The following TMEM132D variants were observed in gnomAD, a reference collection of about 807,000 sequenced individuals.
The protein encoded by TMEM132D is mature OL transmembrane protein.
TMEM132D carries 21 observed loss-of-function variants against 62.3 expected under a neutral mutation model. That is an observed-to-expected ratio of 0.34 (90% CI 0.24 to 0.49). TMEM132D has a LOEUF of 0.49. Among genes scored for constraint, TMEM132D ranks in the 20% least tolerant of loss-of-function variants. TMEM132D has a pLI of 0.99. For missense variants in TMEM132D, 1,346 were observed against 1,402.8 expected (o/e 0.96, Z 0.65); for synonymous variants, 621 against 575.6 (o/e 1.08, Z -1.13).
intron 1 of TMEM132D, among the ~76,000 whole-genome samples, chr12:129,735,105 T>C (rs1869383079): frequency 6.6e-6 from 1 of 152,162 alleles, no homozygotes; most frequent in Non-Finnish European, 1.5e-5. Context: ...ATTAAAAAAA[T>C]ACACAAAATT....
At chr12:129,195,347 G>C (rs1026373456) in intron 5 of TMEM132D, among the ~76,000 whole-genome samples, 4 of 152,126 alleles carry the variant, frequency 2.6e-5, no homozygotes, top group Non-Finnish European at 5.9e-5. Flanking sequence ...GGCTAAGAGG[G>C]AGGGTGGGGA....
chr12:129,160,969 C>A (rs1476392490), intron 5 of TMEM132D, among the ~76,000 whole-genome samples: 2 of 152,186 alleles, frequency 1.3e-5, no homozygotes, highest in Non-Finnish European at 2.9e-5. Context: ...TCACTCTCTG[C>A]AGAAAAATTC....
chr12:129,762,173 A>AT (rs1217438685), intron 1 of TMEM132D, among the ~76,000 whole-genome samples: 4 of 151,942 alleles, frequency 2.6e-5, no homozygotes, highest in Non-Finnish European at 5.9e-5. Flanking sequence ...ATGTGTGTCC[A>AT]TTTTTTTCTA....
At chr12:129,400,102 A>G (rs1871575380) in intron 3 of TMEM132D, among the ~76,000 whole-genome samples, 2 of 152,112 alleles carry the variant, frequency 1.3e-5, no homozygotes, top group African/African-American at 4.8e-5. Context: ...AGTATTTTCC[A>G]AGAATAGGTT....
At chr12:129,345,573 T>C (rs1869653918) in intron 3 of TMEM132D, among the ~76,000 whole-genome samples, 1 of 152,218 alleles carries the variant, frequency 6.6e-6, no homozygotes, top group Admixed American at 6.5e-5. Context: ...AATACTATAC[T>C]TCAAGTGAGT....
chr12:129,700,228 G>C lies in TMEM132D; in HGVS notation c.550C>G (p.Arg184Gly), dbSNP rs766949843. The change falls in exon 2 of 9, where the codon CGG becomes GGG. Residue 184 changes from arginine to glycine, a missense_variant. Physicochemically the swap from Arg to Gly is moderately radical, Grantham distance 125. Coordinates refer to ENST00000422113, the MANE Select transcript of TMEM132D (RefSeq NM_133448.3). ...CACAGCCCCAGGTCCCCCTGCAGCC[G>C]GCAGCTGCCCCGCACCTCTCGGGTC... ...RETREVRGSC[R>G]LQGDLGLCVA... 9 of 1,612,784 alleles carry C rather than the reference G, an allele frequency of 5.6e-6. No homozygotes were observed. The African/African-American group carries it at 1.1e-4, about 19-fold the overall frequency.
chr12:129,800,755 C>A (rs937887855), intron 1 of TMEM132D, among the ~76,000 whole-genome samples: 1 of 152,234 alleles, frequency 6.6e-6, no homozygotes, highest in East Asian at 1.9e-4. Flanking sequence ...CAGCTCCCAG[C>A]GAGAGCGACG....
intron 3 of TMEM132D, among the ~76,000 whole-genome samples, chr12:129,354,427 A>T (rs993609550): frequency 2.0e-5 from 3 of 151,866 alleles, no homozygotes; most frequent in African/African-American, 7.3e-5. Context: ...GGGTTCAAGC[A>T]ATGCTTCTGC....
chr12:129,817,170 A>G (rs534946165), intron 1 of TMEM132D, among the ~76,000 whole-genome samples: 63 of 152,360 alleles, frequency 4.1e-4, no homozygotes, highest in African/African-American at 1.5e-3. Flanking sequence ...AGTTCCTGGC[A>G]GTCCAATCCC....
At chr12:129,212,903 T>C (rs1437628262) in intron 4 of TMEM132D, among the ~76,000 whole-genome samples, 1 of 152,174 alleles carries the variant, frequency 6.6e-6, no homozygotes, top group African/African-American at 2.4e-5. Flanking sequence ...TCATCCATTA[T>C]AGGGAAACAA....
At chr12:129,140,593 C>G (rs566369456) in intron 5 of TMEM132D, among the ~76,000 whole-genome samples, 35 of 152,308 alleles carry the variant, frequency 2.3e-4, no homozygotes, top group African/African-American at 8.2e-4. Context: ...AATCCCAACA[C>G]TTTGGGAGGC....
At chr12:129,472,580 C>A (rs1241668505) in intron 3 of TMEM132D, among the ~76,000 whole-genome samples, 1 of 152,030 alleles carries the variant, frequency 6.6e-6, no homozygotes, top group Non-Finnish European at 1.5e-5. Flanking sequence ...GCACGTGTAT[C>A]CCGGAACTTA....
At chr12:129,467,790 G>T (rs1295728893) in intron 3 of TMEM132D, among the ~76,000 whole-genome samples, 3 of 152,176 alleles carry the variant, frequency 2.0e-5, no homozygotes, top group African/African-American at 7.2e-5. Context: ...GTTAGATCCA[G>T]GTCCCAAAGG....
intron 3 of TMEM132D, among the ~76,000 whole-genome samples, chr12:129,477,212 C>T (rs777129833): frequency 4.6e-5 from 7 of 152,084 alleles, no homozygotes; most frequent in African/African-American, 7.2e-5. Context: ...CAGACATTGC[C>T]GAAGTGACAC....
chr12:129,387,107 C>T (rs1337627072), intron 3 of TMEM132D, among the ~76,000 whole-genome samples: 1 of 151,804 alleles, frequency 6.6e-6, no homozygotes, highest in Non-Finnish European at 1.5e-5. Context: ...CAATGTAATA[C>T]TAACACTAAC....
intron 4 of TMEM132D, among the ~76,000 whole-genome samples, chr12:129,247,750 C>A (rs1429529559): frequency 2.0e-5 from 3 of 152,126 alleles, no homozygotes; most frequent in Non-Finnish European, 2.9e-5. Flanking sequence ...CATCTGAAGT[C>A]CAGGTGAGGA....
At chr12:129,831,229 A>G (rs1285703434) in intron 1 of TMEM132D, among the ~76,000 whole-genome samples, 1 of 152,154 alleles carries the variant, frequency 6.6e-6, no homozygotes, top group Non-Finnish European at 1.5e-5. Context: ...CCCAAAAGGG[A>G]ACTCCAGACC....
At chr12:129,565,735 C>T (rs566107117) in intron 2 of TMEM132D, among the ~76,000 whole-genome samples, 8 of 152,306 alleles carry the variant, frequency 5.3e-5, no homozygotes, top group Non-Finnish European at 1.2e-4. Context: ...TGGGTCAGCC[C>T]GCTCCTTTCT....
intron 2 of TMEM132D, among the ~76,000 whole-genome samples, chr12:129,693,368 A>G (rs575355386): frequency 6.6e-6 from 1 of 152,366 alleles, no homozygotes; most frequent in African/African-American, 2.4e-5. Context: ...TAAATACATA[A>G]ACGAGGGAAA....
Sources: gnomAD v4.1 joint callset for allele counts (sites outside exome capture counted in the v4.1 genomes callset) on GRCh38, gnomAD v4.1.1 for gene constraint, MANE v1.5 for transcripts, NCBI Gene and HGNC (gene_info 2026-07-23, HGNC 2026-07-21) for gene names.